Variants in SLC44A5 observed in about 807,000 individuals in gnomAD.
SLC44A5 encodes the protein solute carrier family 44 member 5.
Under a neutral mutation model 101.8 loss-of-function variants are expected in SLC44A5, and 57 were observed. That is an observed-to-expected ratio of 0.56 (90% CI 0.45 to 0.70). The LOEUF is 0.70. SLC44A5 is among the 30% of genes least tolerant of loss of function. The pLI, the probability that SLC44A5 is intolerant of heterozygous loss-of-function variation, is 0.00. For synonymous variants in SLC44A5, 281 were observed against 290.9 expected (o/e 0.97, Z 0.35); for missense variants, 737 against 853.1 (o/e 0.86, Z 1.70).
intron 2 of SLC44A5, among the ~76,000 whole-genome samples, chr1:75,540,912 G>A (rs892093704): frequency 6.6e-6 from 1 of 152,096 alleles, no homozygotes; most frequent in Non-Finnish European, 1.5e-5. Context: ...AACTGAATCA[G>A]GGCTAAGTTT....
At position 75,275,033 on chromosome 1, in the gene SLC44A5, T is replaced by C. The variant is rs768809576; in HGVS notation, c.185A>G (p.His62Arg). The change falls in exon 6 of 24, where the codon CAT (histidine) becomes CGT (arginine). Residue 62 changes from histidine (H) to arginine (R), a missense_variant. Physicochemically the swap from His to Arg is conservative, Grantham distance 29. This residue lies in a region of SLC44A5 where 665 missense variants were observed against 764.4 expected (regional missense o/e 0.87). Transcript: ENST00000370859. Reference sequence around the variant, plus strand: ...ATAGGCTGCTCTTCTGGGGTCCCCATGTACCCAGGCTGCAGGAACAAGAAA... The same window carrying C: ...ATAGGCTGCTCTTCTGGGGTCCCCACGTACCCAGGCTGCAGGAACAAGAAA... Reference protein sequence around the residue: ...YIVLGLVAWVHGDPRRAAYPT... With the variant: ...YIVLGLVAWVRGDPRRAAYPT... 12 of 1,612,644 alleles carry C rather than the reference T, an allele frequency of 7.4e-6. No homozygotes were observed. The highest frequency in any genetic ancestry group is 3.3e-5 in the Admixed American group (2 of 59,768).
chr1:75,606,964 T>C (rs1274199702), intron 1 of SLC44A5, among the ~76,000 whole-genome samples: 4 of 151,934 alleles, frequency 2.6e-5, no homozygotes, highest in Non-Finnish European at 5.9e-5. Flanking sequence ...TCTCAATCTA[T>C]ACTCAATTCC....
At chr1:75,248,236 C>T (rs1302856869) in intron 7 of SLC44A5, among the ~76,000 whole-genome samples, 2 of 151,934 alleles carry the variant, frequency 1.3e-5, no homozygotes, top group Non-Finnish European at 2.9e-5. Context: ...TCAAGGAAGC[C>T]TCACTAAGAA....
At chr1:75,679,871 T>TA in the SLC44A5 span, among the ~76,000 whole-genome samples, 1 of 152,074 alleles carries the variant, frequency 6.6e-6, no homozygotes, top group Admixed American at 6.5e-5. Flanking sequence ...GAAACCCATC[T>TA]CACGTGCAGA....
chr1:75,694,662 T>C, the SLC44A5 span, among the ~76,000 whole-genome samples: 1 of 152,154 alleles, frequency 6.6e-6, no homozygotes, highest in Non-Finnish European at 1.5e-5. Flanking sequence ...AGAAAAACTG[T>C]AGAAATATTT....
intron 2 of SLC44A5, among the ~76,000 whole-genome samples, chr1:75,435,261 A>G (rs1009567888): frequency 6.6e-6 from 1 of 152,168 alleles, no homozygotes; most frequent in African/African-American, 2.4e-5. Flanking sequence ...ACTGAAATAT[A>G]TATGTCAATT....
chr1:75,606,849 AC>A (rs1675353017), intron 1 of SLC44A5, among the ~76,000 whole-genome samples: 3 of 151,808 alleles, frequency 2.0e-5, no homozygotes, highest in Admixed American at 6.6e-5. Context: ...AAGACCCCAC[AC>A]CCACTTCTTA....
At chr1:75,697,693 G>A in the SLC44A5 span, among the ~76,000 whole-genome samples, 42 of 152,216 alleles carry the variant, frequency 2.8e-4, no homozygotes, top group African/African-American at 8.2e-4. Flanking sequence ...AGCTCCCAGC[G>A]TGAGTGACGC....
At chr1:75,699,910 G>A in the SLC44A5 span, among the ~76,000 whole-genome samples, 2 of 151,966 alleles carry the variant, frequency 1.3e-5, no homozygotes, top group African/African-American at 2.4e-5. Context: ...AGACAAAGAA[G>A]GCCATTACAT....
intron 2 of SLC44A5, among the ~76,000 whole-genome samples, chr1:75,409,524 A>G (rs1663139068): frequency 6.6e-6 from 1 of 152,190 alleles, no homozygotes; most frequent in African/African-American, 2.4e-5. Flanking sequence ...GAAAGGCAAC[A>G]GAGAAAGGGC....
At chr1:75,692,182 AT>A in the SLC44A5 span, among the ~76,000 whole-genome samples, 1 of 107,520 alleles carries the variant, frequency 9.3e-6, no homozygotes, top group Non-Finnish European at 1.9e-5. Flanking sequence ...AAAAGATGGG[AT>A]TCTTTTTTTT....
At chr1:75,211,070 C>T (rs907889944) in intron 23 of SLC44A5, among the ~76,000 whole-genome samples, 4 of 152,112 alleles carry the variant, frequency 2.6e-5, no homozygotes, top group Non-Finnish European at 5.9e-5. Flanking sequence ...GTTAACAATA[C>T]AGTATTATTA....
At chr1:75,532,197 T>A (rs1670756815) in intron 2 of SLC44A5, among the ~76,000 whole-genome samples, 1 of 152,216 alleles carries the variant, frequency 6.6e-6, no homozygotes, top group African/African-American at 2.4e-5. Flanking sequence ...TCATTTTGAC[T>A]GCTGATACCT....
chr1:75,292,615 T>G (rs1379514761), intron 5 of SLC44A5, among the ~76,000 whole-genome samples: 1 of 152,190 alleles, frequency 6.6e-6, no homozygotes, highest in Admixed American at 6.5e-5. Flanking sequence ...TGCAGCAAAG[T>G]GACCCATATC....
At chr1:75,395,949 T>C (rs1466742018) in intron 3 of SLC44A5, among the ~76,000 whole-genome samples, 1 of 152,152 alleles carries the variant, frequency 6.6e-6, no homozygotes, top group Non-Finnish European at 1.5e-5. Context: ...GGCAATGAGA[T>C]TGCACAAAGG....
intron 3 of SLC44A5, among the ~76,000 whole-genome samples, chr1:75,396,189 A>G (rs1425087946): frequency 6.6e-6 from 1 of 152,162 alleles, no homozygotes; most frequent in Non-Finnish European, 1.5e-5. Context: ...CGGAAAAAGA[A>G]GACTGAATAA....
chr1:75,448,277 G>C (rs1665700383), intron 2 of SLC44A5, among the ~76,000 whole-genome samples: 1 of 152,176 alleles, frequency 6.6e-6, no homozygotes, highest in African/African-American at 2.4e-5. Flanking sequence ...TAATGTTCAA[G>C]TCTGCATAGA....
chr1:75,408,741 G>C (rs760233700), intron 2 of SLC44A5, among the ~76,000 whole-genome samples: 32 of 152,234 alleles, frequency 2.1e-4, no homozygotes, highest in Non-Finnish European at 4.3e-4. Context: ...ATAGCATTAG[G>C]AGAAATACCT....
chr1:75,481,919 G>T (rs993286113), intron 2 of SLC44A5, among the ~76,000 whole-genome samples: 1 of 152,002 alleles, frequency 6.6e-6, no homozygotes, highest in South Asian at 2.1e-4. Context: ...CCCATTACTG[G>T]GTATATACCC....
Sources: allele counts gnomAD v4.1 joint callset (sites outside exome capture counted in the v4.1 genomes callset), GRCh38; gene constraint gnomAD v4.1.1; regional missense constraint gnomAD v4.1.1; transcripts MANE v1.5; gene names NCBI Gene and HGNC (gene_info 2026-07-23, HGNC 2026-07-21).